The following USP32 variants were observed in gnomAD, a reference collection of about 807,000 sequenced individuals.
USP32 encodes ubiquitin specific peptidase 32.
A neutral mutation model predicts 204.8 loss-of-function variants in USP32; 59 were observed. The ratio of observed to expected loss-of-function variants is 0.29; its 90% confidence interval spans 0.23 to 0.36. The LOEUF (loss-of-function observed/expected upper bound fraction) is 0.36, where lower values mean the gene tolerates loss of function less well. USP32 is among the 10% of genes least tolerant of loss of function. USP32 has a pLI of 1.00. For synonymous variants in USP32, 517 were observed against 678.4 expected (o/e 0.76, Z 3.70); for missense variants, 1,160 against 1,946.4 (o/e 0.60, Z 7.60).
chr17:60,190,276 G>C (rs867671075), intron 29 of USP32, among the ~76,000 whole-genome samples: 1 of 152,102 alleles, frequency 6.6e-6, no homozygotes, highest in Non-Finnish European at 1.5e-5. Context: ...CCAGGCTGCC[G>C]AACAGTAAGC....
intron 1 of USP32, among the ~76,000 whole-genome samples, chr17:60,351,201 T>C (rs2088938805): frequency 6.6e-6 from 1 of 152,088 alleles, no homozygotes; most frequent in African/African-American, 2.4e-5. Flanking sequence ...TTAGACTCTC[T>C]GGACCCTTGC....
chr17:60,284,495 C>T (rs8065333), intron 5 of USP32, among the ~76,000 whole-genome samples: 3,274 of 152,136 alleles, frequency 0.022, 137 homozygotes, highest in African/African-American at 0.075. Context: ...GCTGGGATTA[C>T]AGGCATGAGC....
At chr17:60,259,996 A>G (rs761577288) in intron 9 of USP32, among the ~76,000 whole-genome samples, 13 of 152,288 alleles carry the variant, frequency 8.5e-5, no homozygotes, top group Middle Eastern at 3.4e-3. Flanking sequence ...TTTCACTTAA[A>G]GTTGCAGTTT....
chr17:60,402,142 C>A (rs2089940349), intron 1 of USP32, among the ~76,000 whole-genome samples: 1 of 151,932 alleles, frequency 6.6e-6, no homozygotes, highest in Non-Finnish European at 1.5e-5. Context: ...ATTGTACAAG[C>A]ACTAATATAA....
At chr17:60,250,448 A>G (rs1394833101) in intron 11 of USP32, among the ~76,000 whole-genome samples, 1 of 152,144 alleles carries the variant, frequency 6.6e-6, no homozygotes, top group East Asian at 1.9e-4. Context: ...ACTATAATAA[A>G]TTAGATTGTA....
chr17:60,190,535 C>T (rs777265972), intron 29 of USP32, 28 bp downstream of exon 29: 5 of 1,516,680 alleles, frequency 3.3e-6, no homozygotes, highest in Non-Finnish European at 4.4e-6. Flanking sequence ...ATAAAAACCA[C>T]CATTTTATGG....
upstream of USP32, among the ~76,000 whole-genome samples, chr17:60,396,128 A>AGTG (rs2089899185): frequency 8.4e-6 from 1 of 119,200 alleles, no homozygotes; most frequent in Non-Finnish European, 1.6e-5. Flanking sequence ...CCCAAGCTGG[A>AGTG]GTGCAGTAGC....
intron 21 of USP32, among the ~76,000 whole-genome samples, 177 bp downstream of exon 21, chr17:60,210,836 C>G (rs1424710275): frequency 5.2e-5 from 8 of 152,384 alleles, no homozygotes; most frequent in African/African-American, 1.9e-4. Context: ...ACTACATATA[C>G]AGTAGTAATT....
intron 4 of USP32, among the ~76,000 whole-genome samples, chr17:60,289,240 C>A (rs112833680): frequency 0.021 from 3,271 of 152,232 alleles, 138 homozygotes; most frequent in African/African-American, 0.075. Flanking sequence ...GATCTCCTGA[C>A]CTTGTGATCT....
At chr17:60,222,677 ATTTTT>A (rs373799936) in intron 14 of USP32, 128 bp from the exon 15 acceptor site, 424 of 470,364 alleles carry the variant, frequency 9.0e-4, no homozygotes, top group South Asian at 1.5e-3. Context: ...GAAAAACTTA[ATTTTT>A]TTTTTTTTTT....
At chr17:60,200,179 A>G (rs1295466508) in intron 26 of USP32, among the ~76,000 whole-genome samples, 1 of 151,888 alleles carries the variant, frequency 6.6e-6, no homozygotes, top group Non-Finnish European at 1.5e-5. Context: ...GGCCGACAAC[A>G]GCAAGACTCT....
At chr17:60,375,607 T>C (rs1173180758) in intron 1 of USP32, among the ~76,000 whole-genome samples, 1 of 152,168 alleles carries the variant, frequency 6.6e-6, no homozygotes, top group African/African-American at 2.4e-5. Context: ...TGTTGTTGTT[T>C]GTTTGTTTGT....
rs376269459 is a variant in USP32, at chr17:60,368,726, CA to C, written c.59-23119del. The stretch of plus-strand genomic sequence containing the variant: ...ATAGTAAGCACTTCACAGTTGTCAG[CA>C]ATTTCCTAATAATCATACATGGTTC... On this transcript the variant is annotated intron_variant, in intron 1 of 33. Coordinates refer to ENST00000300896, the MANE Select transcript of USP32 (RefSeq NM_032582.4). Among the ~76,000 whole-genome samples the C allele has an allele frequency of 3.7e-4, 56 of 152,192 alleles. 1 individual carries two copies. The highest frequency in any genetic ancestry group is 3.7e-3 in the East Asian group (19 of 5,182).
intron 1 of USP32, among the ~76,000 whole-genome samples, chr17:60,419,219 T>C (rs1418157314): frequency 2.0e-5 from 3 of 152,102 alleles, no homozygotes; most frequent in Admixed American, 1.3e-4. Flanking sequence ...TGCAGGAACA[T>C]TGATGGAGCT....
At chr17:60,419,854 ATTATTATT>A (rs1470146672) in intron 1 of USP32, among the ~76,000 whole-genome samples, 38 of 130,894 alleles carry the variant, frequency 2.9e-4, no homozygotes, top group Non-Finnish European at 5.4e-4. Context: ...TATTATTATT[ATTATTATT>A]TTATTATTAT....
At chr17:60,330,517 T>C (rs1039788383) in intron 2 of USP32, among the ~76,000 whole-genome samples, 3 of 148,750 alleles carry the variant, frequency 2.0e-5, no homozygotes, top group Admixed American at 6.7e-5. Flanking sequence ...TCTCTCTCTC[T>C]CCCCCCCTCC....
intron 11 of USP32, among the ~76,000 whole-genome samples, chr17:60,248,898 G>A (rs2086101528): frequency 6.6e-6 from 1 of 151,792 alleles, no homozygotes; most frequent in East Asian, 1.9e-4. Flanking sequence ...ATTTTTTCTT[G>A]TTGAAAACTG....
At chr17:60,354,158 C>A (rs1031485889) in intron 1 of USP32, among the ~76,000 whole-genome samples, 1 of 152,176 alleles carries the variant, frequency 6.6e-6, no homozygotes, top group Non-Finnish European at 1.5e-5. Context: ...CAATAAACCA[C>A]AATACTGGTG....
At chr17:60,320,779 AAT>A (rs1212854483) in intron 2 of USP32, among the ~76,000 whole-genome samples, 1 of 152,246 alleles carries the variant, frequency 6.6e-6, no homozygotes, top group African/African-American at 2.4e-5. Flanking sequence ...CAGAAAGGGT[AAT>A]AAGCAATAAA....
Sources: gnomAD v4.1 joint callset for allele counts (sites outside exome capture counted in the v4.1 genomes callset) on GRCh38, gnomAD v4.1.1 for gene constraint, MANE v1.5 for transcripts, NCBI Gene and HGNC (gene_info 2026-07-23, HGNC 2026-07-21) for gene names.